The following PEPD variants were observed in gnomAD, a reference collection of about 807,000 sequenced individuals.
PEPD encodes the protein xaa-Pro dipeptidase.
In PEPD, 53 loss-of-function variants were observed where a neutral mutation model predicts 60.7. That is an observed-to-expected ratio of 0.87 (90% CI 0.70 to 1.10). The LOEUF (loss-of-function observed/expected upper bound fraction) is 1.10. Among genes scored for constraint, PEPD ranks in the 50% least tolerant of loss-of-function variants. The probability of loss-of-function intolerance (pLI) is 0.00; values close to 1 mark genes in which losing one functional copy is unlikely to be tolerated. For missense variants in PEPD, 711 were observed against 711.9 expected, an observed-to-expected ratio of 1.00 and a Z score of 0.01; for synonymous variants, 267 against 284.1, an observed-to-expected ratio of 0.94 and a Z score of 0.60.
At position 33,389,387 on chromosome 19, in the gene PEPD, G is replaced by A. The variant is rs1160278787; in HGVS notation, c.1153-1306C>T. ...TGACAGTCCCTCTGCGCAGGTGAGA[G>A]GTGCATGTGGACCGAGCTGGGGCCT... On this transcript the variant is annotated intron_variant, in intron 13 of 14. Transcript: ENST00000244137. 4.6e-5 allele frequency among the ~76,000 whole-genome samples: 7 copies of A among 152,332 alleles called. No individual in the cohort carries two copies. The South Asian group carries it at 1.4e-3, about 32-fold the overall frequency.
chr19:33,458,065 G>C (rs1383391305), intron 9 of PEPD, among the ~76,000 whole-genome samples: 1 of 152,120 alleles, frequency 6.6e-6, no homozygotes, highest in Non-Finnish European at 1.5e-5. Flanking sequence ...TGGGTGGCGT[G>C]TGTATGGTGT....
rs987157481 is a variant in PEPD, at chr19:33,465,586, C to T, written c.549-1524G>A. Among the ~76,000 whole-genome samples the T allele has an allele frequency of 4.6e-5, 7 of 152,102 alleles. No individual in the cohort carries two copies. The East Asian group carries it at 7.7e-4, about 17-fold the overall frequency. ...AGCTGAGATGCCCTTGTGACAGCAT[C>T]GCAGCCCAAGCCTGCTCCCTTACTC... On this transcript the variant is annotated intron_variant, in intron 7 of 14. Transcript: ENST00000244137.
At chr19:33,434,238 C>G (rs1969331201) in intron 9 of PEPD, among the ~76,000 whole-genome samples, 1 of 152,136 alleles carries the variant, frequency 6.6e-6, no homozygotes, top group Non-Finnish European at 1.5e-5. Flanking sequence ...CACAGTTTAC[C>G]CACCCGCCAT....
chr19:33,388,137 T>C, intron 13 of PEPD, 56 bp from the exon 14 acceptor site: 1 of 1,427,470 alleles, frequency 7.0e-7, no homozygotes, highest in East Asian at 2.5e-5. Flanking sequence ...CACCGTGGCC[T>C]CATCAGGAGA....
At chr19:33,496,982 G>A (rs1600163367) in intron 4 of PEPD, among the ~76,000 whole-genome samples, 1 of 152,290 alleles carries the variant, frequency 6.6e-6, no homozygotes, top group African/African-American at 2.4e-5. Context: ...CAGAGAGCTG[G>A]CTCTGCCCTG....
chr19:33,448,574 C>A (rs886826337), intron 9 of PEPD, among the ~76,000 whole-genome samples: 5 of 152,112 alleles, frequency 3.3e-5, no homozygotes, highest in Non-Finnish European at 7.3e-5. Context: ...AAATACATGA[C>A]CCTTTCGACT....
intron 12 of PEPD, among the ~76,000 whole-genome samples, chr19:33,400,555 G>A (rs2145344314): frequency 6.6e-6 from 1 of 152,366 alleles, no homozygotes; most frequent in Non-Finnish European, 1.5e-5. Flanking sequence ...GACCCTGGCA[G>A]CTGCCGAACA....
chr19:33,455,035 T>G (rs898692688), intron 9 of PEPD, among the ~76,000 whole-genome samples: 2 of 152,186 alleles, frequency 1.3e-5, no homozygotes, highest in African/African-American at 2.4e-5. Flanking sequence ...TAAGAAACTG[T>G]CACAGCCCAG....
chr19:33,397,748 AG>A (rs1030202053), intron 12 of PEPD, among the ~76,000 whole-genome samples: 28 of 152,140 alleles, frequency 1.8e-4, no homozygotes, highest in Non-Finnish European at 7.4e-5. Context: ...AGATGAGCCT[AG>A]CTGGATTTGG....
chr19:33,451,065 G>A (rs1969689630), intron 9 of PEPD, among the ~76,000 whole-genome samples: 2 of 152,236 alleles, frequency 1.3e-5, no homozygotes, highest in South Asian at 4.1e-4. Context: ...ACCGCCCTGA[G>A]CTGCGGCTCT....
intron 9 of PEPD, among the ~76,000 whole-genome samples, chr19:33,417,689 G>A (rs1049271851): frequency 2.0e-5 from 3 of 152,166 alleles, no homozygotes; most frequent in Non-Finnish European, 4.4e-5. Flanking sequence ...TAGCCATCGT[G>A]GTCACTGTTC....
Position 33,512,699 on chromosome 19 carries a change from T to C in PEPD, c.95A>G (p.Glu32Gly). ...CACAGCAGGGTTCTTCCGCAGCCGCTCACACAGGCGCTGCCGGTTCAAGGC... is the reference window on the plus strand; with the variant it reads ...CACAGCAGGGTTCTTCCGCAGCCGCCCACACAGGCGCTGCCGGTTCAAGGC... Reference protein sequence around the residue: ...LFALNRQRLCERLRKNPAVQA... With the variant: ...LFALNRQRLCGRLRKNPAVQA... The change falls in exon 2 of 15, where the codon GAG (glutamate) becomes GGG (glycine). Residue 32 changes from glutamate to glycine, a missense_variant. Glu to Gly is a moderately conservative substitution (Grantham distance 98). Coordinates refer to ENST00000244137, the MANE Select transcript of PEPD (RefSeq NM_000285.4). The C allele has an allele frequency of 6.2e-7, 1 of 1,614,022 alleles. No individual in the cohort carries two copies. The highest frequency in any genetic ancestry group is 8.5e-7 in the Non-Finnish European group (1 of 1,179,974).
chr19:33,433,160 G>A (rs891159291), intron 9 of PEPD, among the ~76,000 whole-genome samples: 3 of 152,206 alleles, frequency 2.0e-5, no homozygotes, highest in East Asian at 3.8e-4. Context: ...TACTGGTCTC[G>A]GGCACAGAAC....
Position 33,458,032 on chromosome 19 carries a change from T to C in PEPD, c.671+4963A>G, listed in dbSNP as rs532266546. Among the ~76,000 whole-genome samples, 6 of 152,258 alleles carry C rather than the reference T, an allele frequency of 3.9e-5. No homozygotes were observed. The South Asian group carries it at 8.3e-4, about 21-fold the overall frequency. On this transcript the variant is annotated intron_variant, in intron 9 of 14. Coordinates refer to ENST00000244137, the MANE Select transcript of PEPD (RefSeq NM_000285.4). ...GTGGTATGTCAATGGGTGTGGTACATACCGTGTATGTGAGGCATGTGGTGG... is the reference window on the plus strand; with the variant it reads ...GTGGTATGTCAATGGGTGTGGTACACACCGTGTATGTGAGGCATGTGGTGG...
chr19:33,432,441 G>A (rs1179056602), intron 9 of PEPD, among the ~76,000 whole-genome samples: 2 of 152,278 alleles, frequency 1.3e-5, no homozygotes, highest in African/African-American at 4.8e-5. Flanking sequence ...CAAGCAAAAG[G>A]AGCCCACCCC....
chr19:33,422,789 CCTCT>C (rs150330821), intron 9 of PEPD, among the ~76,000 whole-genome samples: 32,003 of 146,602 alleles, frequency 0.22, 3,681 homozygotes, highest in African/African-American at 0.28. Context: ...TCCCTCCCTC[CCTCT>C]ATCTATCCAT....
intron 3 of PEPD, among the ~76,000 whole-genome samples, chr19:33,510,131 G>C (rs1415123568): frequency 6.6e-6 from 1 of 152,232 alleles, no homozygotes; most frequent in Non-Finnish European, 1.5e-5. Context: ...CATTTTCACA[G>C]ACGGAGAAGC....
rs1600074921 is a variant in PEPD at position 33,391,395 on chromosome 19, A to C, written c.1052T>G (p.Val351Gly). The C allele has an allele frequency of 6.3e-7, 1 of 1,592,622 alleles. No individual in the cohort carries two copies. Among genetic ancestry groups the C allele is most frequent in the Non-Finnish European group, 8.6e-7 (1 of 1,169,520 alleles). ...CAGGTGAGCCTGGACCATGGCGTCC[A>C]CGCTGCCGCTCAGGATGCCCATGTG... ...LAHMGILSGS[V>G]DAMVQAHLGA... Residue 351 changes from valine (V) to glycine (G), a missense_variant, in exon 13 of 15, where the codon GTG becomes GGG. Transcript: ENST00000244137.
At chr19:33,519,228 G>GA (rs1971084669) in intron 1 of PEPD, among the ~76,000 whole-genome samples, 1 of 152,224 alleles carries the variant, frequency 6.6e-6, no homozygotes, top group South Asian at 2.1e-4. Context: ...GCTAGCAAGA[G>GA]AAAGTAGGAT....
Sources: allele counts gnomAD v4.1 joint callset (sites outside exome capture counted in the v4.1 genomes callset), GRCh38; gene constraint gnomAD v4.1.1; transcripts MANE v1.5; gene names NCBI Gene and HGNC (gene_info 2026-07-23, HGNC 2026-07-21).